S100A8: variants seen among roughly 807,000 people sequenced by gnomAD.
S100A8 encodes the protein S100 calcium binding protein A8, also known as protein S100-A8.
S100A8 carries 1 observed loss-of-function variant against 4.2 expected under a neutral mutation model. The ratio of observed to expected loss-of-function variants is 0.24; its 90% CI spans 0.08 to 1.12. The LOEUF (loss-of-function observed/expected upper bound fraction) is 1.12. Ranked by LOEUF, S100A8 falls within the 50% of genes most tolerant of loss-of-function variation. The pLI is 0.53. For synonymous variants in S100A8, 41 were observed against 44.7 expected (o/e 0.92, Z 0.33); for missense variants, 96 against 111.8 (o/e 0.86, Z 0.64).
the S100A8 span, among the ~76,000 whole-genome samples, chr1:153,411,823 T>A: frequency 6.6e-6 from 1 of 151,996 alleles, no homozygotes; most frequent in Admixed American, 6.6e-5. Context: ...TCAGAAATAA[T>A]ACCACACAAC....
the S100A8 span, among the ~76,000 whole-genome samples, chr1:153,413,931 A>G: frequency 6.6e-6 from 1 of 152,206 alleles, no homozygotes; most frequent in East Asian, 1.9e-4. Flanking sequence ...AAAGAAAAAA[A>G]AGATAAGACT....
the S100A8 span, among the ~76,000 whole-genome samples, chr1:153,406,768 T>C: frequency 6.6e-6 from 1 of 152,114 alleles, no homozygotes; most frequent in Non-Finnish European, 1.5e-5. Context: ...TGAGCTCTCC[T>C]GGGGGATCAG....
chr1:153,391,533 G>C (rs1031827028), upstream of S100A8, among the ~76,000 whole-genome samples: 1 of 152,148 alleles, frequency 6.6e-6, no homozygotes, highest in Admixed American at 6.5e-5. Context: ...ACCGCAAAAG[G>C]GTTGAGAACA....
chr1:153,412,077 A>G, the S100A8 span, among the ~76,000 whole-genome samples: 40 of 152,302 alleles, frequency 2.6e-4, no homozygotes, highest in African/African-American at 9.1e-4. Context: ...GCATGGGCAA[A>G]GACTTCATGT....
the S100A8 span, chr1:153,418,213 T>G: frequency 6.2e-7 from 1 of 1,613,978 alleles, no homozygotes; most frequent in South Asian, 1.1e-5. Context: ...CCCAATTTCC[T>G]CAGTGCCTGT....
chr1:153,393,960 G>T (rs1662159695), upstream of S100A8, among the ~76,000 whole-genome samples: 3 of 152,176 alleles, frequency 2.0e-5, no homozygotes, highest in African/African-American at 7.2e-5. Context: ...ATCGTGAAAT[G>T]TCGCCCCCTC....
chr1:153,400,213 G>A, the S100A8 span, among the ~76,000 whole-genome samples: 1 of 152,280 alleles, frequency 6.6e-6, no homozygotes, highest in South Asian at 2.1e-4. Flanking sequence ...TTGGGTGATG[G>A]ACGGGAGGTG....
the S100A8 span, among the ~76,000 whole-genome samples, chr1:153,408,788 ACT>A: frequency 6.6e-6 from 1 of 152,182 alleles, no homozygotes; most frequent in Non-Finnish European, 1.5e-5. Flanking sequence ...CTTGGCAGAA[ACT>A]CTACAAGCCA....
chr1:153,416,029 T>C, the S100A8 span, among the ~76,000 whole-genome samples: 2,174 of 152,300 alleles, frequency 0.014, 55 homozygotes, highest in African/African-American at 0.05. Context: ...CAGCACCTGC[T>C]TCTTAAGACT....
the S100A8 span, among the ~76,000 whole-genome samples, chr1:153,413,770 AG>A: frequency 0.013 from 1,903 of 152,172 alleles, 98 homozygotes; most frequent in Admixed American, 0.097. Flanking sequence ...ATATAGTGGC[AG>A]GCGCCTATAA....
upstream of S100A8, chr1:153,391,303 T>C (rs1196240445): frequency 1.6e-6 from 1 of 620,620 alleles, no homozygotes; most frequent in Non-Finnish European, 2.0e-6. Context: ...AAAAAGCAGG[T>C]AGGGGGGCTC....
chr1:153,407,863 G>A, the S100A8 span, among the ~76,000 whole-genome samples: 1,009 of 152,316 alleles, frequency 6.6e-3, 15 homozygotes, highest in African/African-American at 0.023. Flanking sequence ...ACAGGGTCTG[G>A]AGTGGACCTC....
At chr1:153,399,563 G>T in the S100A8 span, among the ~76,000 whole-genome samples, 1 of 152,106 alleles carries the variant, frequency 6.6e-6, no homozygotes. Flanking sequence ...TTCATTCAAC[G>T]AATATTCTTG....
the S100A8 span, among the ~76,000 whole-genome samples, chr1:153,415,186 G>A: frequency 1.4e-5 from 2 of 138,322 alleles, no homozygotes; most frequent in African/African-American, 3.2e-5. Context: ...GTGTGTGTGC[G>A]TGTGTGTGTG....
At chr1:153,417,138 T>G in the S100A8 span, 1 of 152,360 alleles carries the variant, frequency 6.6e-6, no homozygotes, top group Non-Finnish European at 1.5e-5. Flanking sequence ...GGGTTTATTG[T>G]CAGATGCCCA....
At chr1:153,417,762 G>T in the S100A8 span, among the ~76,000 whole-genome samples, 5 of 152,210 alleles carry the variant, frequency 3.3e-5, no homozygotes, top group Admixed American at 1.3e-4. Context: ...TCCCAGCTTA[G>T]TTCTTCTATG....
upstream of S100A8, among the ~76,000 whole-genome samples, chr1:153,393,598 A>G (rs1662150554): frequency 6.6e-6 from 1 of 152,170 alleles, no homozygotes; most frequent in African/African-American, 2.4e-5. Context: ...TCCTTGACAA[A>G]AGATGAATCA....
chr1:153,405,033 G>T, the S100A8 span, among the ~76,000 whole-genome samples: 1 of 152,076 alleles, frequency 6.6e-6, no homozygotes, highest in Non-Finnish European at 1.5e-5. Flanking sequence ...AGCCCTTACA[G>T]TGTAAGTCAG....
chr1:153,417,002 C>T, the S100A8 span, among the ~76,000 whole-genome samples: 1 of 152,202 alleles, frequency 6.6e-6, no homozygotes, highest in African/African-American at 2.4e-5. Context: ...TGTAAATTCT[C>T]AGTCAATCTC....
Sources: allele counts gnomAD v4.1 joint callset (sites outside exome capture counted in the v4.1 genomes callset), GRCh38; gene constraint gnomAD v4.1.1; transcripts MANE v1.5; gene names NCBI Gene and HGNC (gene_info 2026-07-23, HGNC 2026-07-21).